DMXL1: variants seen among roughly 807,000 people sequenced by gnomAD.
DMXL1 encodes the protein dmX-like protein 1.
Under a neutral mutation model 319.2 loss-of-function variants are expected in DMXL1, and 99 were observed. The observed-to-expected ratio is 0.31, with a 90% CI of 0.26 to 0.37. DMXL1 has a LOEUF of 0.37. Among genes scored for constraint, DMXL1 ranks in the 10% least tolerant of loss-of-function variants. The pLI is 1.00. For missense variants in DMXL1, 3,745 were observed against 3,595.6 expected, an observed-to-expected ratio of 1.04 and a Z score of -1.06; for synonymous variants, 1,385 against 1,235.2, an observed-to-expected ratio of 1.12 and a Z score of -2.54.
intron 9 of DMXL1, 26 bp downstream of exon 9, chr5:119,121,165 T>C (rs371356301): frequency 3.3e-4 from 506 of 1,543,836 alleles, no homozygotes; most frequent in Non-Finnish European, 4.3e-4. Context: ...TCAAAACATG[T>C]TTCTGAAATT....
chr5:119,082,420 A>G (rs186725867), intron 1 of DMXL1, among the ~76,000 whole-genome samples: 2 of 152,220 alleles, frequency 1.3e-5, no homozygotes, highest in South Asian at 2.1e-4. Flanking sequence ...GACGACAGGC[A>G]TGTCCCACCA....
In DMXL1 at chr5:119,187,314, A is replaced by G. The variant is rs148136449; in HGVS notation, c.7136-2394A>G. Among the ~76,000 whole-genome samples the G allele has an allele frequency of 4.0e-3, 611 of 152,342 alleles. 10 individuals are homozygous for G. Among genetic ancestry groups the G allele is most frequent in the South Asian group, 0.027 (129 of 4,832 alleles). The stretch of plus-strand genomic sequence containing the variant: ...GGTTTTCCCATAATAGTAGAACCAT[A>G]GGGTTAGTTTGCACCCAAGGAATGG... On this transcript the variant is annotated intron_variant, in intron 28 of 43. Transcript: ENST00000539542.
intron 1 of DMXL1, among the ~76,000 whole-genome samples, chr5:119,084,242 T>C (rs2149706051): frequency 6.6e-6 from 1 of 151,988 alleles, no homozygotes; most frequent in Non-Finnish European, 1.5e-5. Context: ...TGCCTCAACC[T>C]CCAGGTAGCT....
intron 1 of DMXL1, among the ~76,000 whole-genome samples, chr5:119,095,298 A>G (rs146516590): frequency 1.1e-4 from 16 of 152,356 alleles, no homozygotes; most frequent in East Asian, 1.9e-4. Flanking sequence ...TCAGAACTAG[A>G]TAAGTCATTG....
At chr5:119,233,266 A>G in intron 38 of DMXL1, 74 bp from the exon 39 acceptor site, 1 of 1,456,398 alleles carries the variant, frequency 6.9e-7, no homozygotes, top group East Asian at 2.3e-5. Context: ...AAAGATTTTC[A>G]CATAGGATAA....
chr5:119,244,669 A>T, intron 43 of DMXL1, 93 bp downstream of exon 43: 3 of 839,718 alleles, frequency 3.6e-6, no homozygotes, highest in Middle Eastern at 3.1e-4. Flanking sequence ...TATTTAAATA[A>T]TAGTTATATT....
At chr5:119,221,135 T>A in intron 37 of DMXL1, 54 bp downstream of exon 37, 1 of 1,322,260 alleles carries the variant, frequency 7.6e-7, no homozygotes, top group Non-Finnish European at 1.0e-6. Context: ...TTTTTCCCTC[T>A]AGGTTAATGG....
chr5:119,112,079 G>A (rs1759748269), intron 5 of DMXL1, among the ~76,000 whole-genome samples: 1 of 152,076 alleles, frequency 6.6e-6, no homozygotes, highest in Non-Finnish European at 1.5e-5. Flanking sequence ...TCCTGCCTCG[G>A]CCTCCCAAGT....
In DMXL1 at chr5:119,247,303, C is replaced by A; in HGVS notation, c.*84C>A. ...TATACAGTGATCATTCTCTATGCCACAAATTAGCTAATGCTTTCTTGTTTT... is the reference window on the plus strand; with the variant it reads ...TATACAGTGATCATTCTCTATGCCAAAAATTAGCTAATGCTTTCTTGTTTT... On this transcript the variant is annotated 3_prime_UTR_variant, in exon 44 of 44. Transcript: ENST00000539542. 1.1e-6 allele frequency: 1 copy of A among 905,758 alleles called. No homozygotes were observed. Among genetic ancestry groups the A allele is most frequent in the Non-Finnish European group, 1.7e-6 (1 of 605,248 alleles). The allele number at this position is 905,758 out of a possible 1,614,324, so 56.1% of individuals were successfully genotyped here.
chr5:119,217,989 A>G (rs985255219), intron 35 of DMXL1, among the ~76,000 whole-genome samples: 3 of 152,074 alleles, frequency 2.0e-5, no homozygotes, highest in African/African-American at 7.2e-5. Context: ...TCTGTTATCA[A>G]AGAAACAGTT....
intron 29 of DMXL1, among the ~76,000 whole-genome samples, chr5:119,190,348 T>C (rs1468826054): frequency 6.6e-6 from 1 of 152,180 alleles, no homozygotes; most frequent in East Asian, 1.9e-4. Flanking sequence ...GTTACCACAG[T>C]GTATTAAATA....
Position 119,202,883 on chromosome 5 carries a change from T to TTATATATATATATATATATATA in DMXL1, c.7746-435_7746-434insATATATATATATATATATATAT, listed in dbSNP as rs201634842. On this transcript the variant is annotated intron_variant, in intron 32 of 43. Transcript: ENST00000539542. The stretch of plus-strand genomic sequence containing the variant: ...TACATACATATATATATATATATAT[T>TTATATATATATATATATATATA]TTTATATATATATATATATATATTT... 1.2e-3 allele frequency among the ~76,000 whole-genome samples: 88 copies of TTATATATATATATATATATATA among 71,498 alleles called. 1 individual carries two copies. Among genetic ancestry groups the TTATATATATATATATATATATA allele is most frequent in the African/African-American group, 3.3e-3 (84 of 25,348 alleles). 46.9% of individuals were successfully genotyped at this position (71,498 alleles called of 152,430 possible). A position where few individuals can be genotyped will look rare whatever the true frequency, so the allele number is the denominator to read the frequency against.
chr5:119,121,229 A>G, intron 9 of DMXL1, 90 bp downstream of exon 9: 1 of 1,142,068 alleles, frequency 8.8e-7, no homozygotes, highest in Non-Finnish European at 1.2e-6. Flanking sequence ...CAAATAAGTA[A>G]AATATTGGAG....
chr5:119,141,729 C>T (rs1048632082), intron 13 of DMXL1, among the ~76,000 whole-genome samples: 16 of 152,066 alleles, frequency 1.1e-4, no homozygotes, highest in African/African-American at 3.1e-4. Flanking sequence ...TATCAAACTA[C>T]CAACAACATT....
chr5:119,184,191 G>C (rs995436465), intron 28 of DMXL1, among the ~76,000 whole-genome samples: 5 of 152,008 alleles, frequency 3.3e-5, no homozygotes, highest in African/African-American at 1.2e-4. Context: ...AAGTAGCTGG[G>C]ACTATAGGTG....
intron 1 of DMXL1, among the ~76,000 whole-genome samples, chr5:119,085,333 A>AAAATAAATAAAT (rs202033508): frequency 1.3e-4 from 20 of 150,894 alleles, no homozygotes; most frequent in African/African-American, 4.1e-4. Context: ...CTTTGTCTCA[A>AAAATAAATAAAT]AAATAAATAA....
chr5:119,238,334 A>T (rs1788130231), intron 40 of DMXL1, among the ~76,000 whole-genome samples: 1 of 152,122 alleles, frequency 6.6e-6, no homozygotes, highest in South Asian at 2.1e-4. Flanking sequence ...ACTTAAAAAA[A>T]ATCATTTTTT....
In DMXL1 at chr5:119,150,212, A is replaced by G. The variant is rs75899437; in HGVS notation, c.4385A>G (p.Asp1462Gly). The G allele has an allele frequency of 1.7e-4, 276 of 1,613,848 alleles. 2 individuals carry two copies. The East Asian group carries it at 6.1e-3, about 35-fold the overall frequency. The change falls in exon 18 of 44, where the codon GAT becomes GGT. Residue 1462 changes from aspartate to glycine, a missense_variant. Asp to Gly is a moderately conservative substitution (Grantham distance 94, BLOSUM62 -1). This residue lies in a region of DMXL1 where 2,096 missense variants were observed against 1,985.4 expected (regional missense o/e 1.06). Coordinates refer to ENST00000539542, the MANE Select transcript of DMXL1 (RefSeq NM_001290321.3). ...ACTGATACTCATATGTTAGAGACAG[A>G]TGAAGAAAATACAAAGCCTAGAGTT... is the stretch of plus-strand genomic sequence containing the variant. ...LMTDTHMLET[D>G]EENTKPRVID...
intron 13 of DMXL1, among the ~76,000 whole-genome samples, chr5:119,141,179 C>A (rs763116647): frequency 3.3e-4 from 50 of 152,124 alleles, no homozygotes; most frequent in Non-Finnish European, 5.4e-4. Context: ...GAAGCATTCC[C>A]CCTGAAAACT....
Sources: allele counts gnomAD v4.1 joint callset (sites outside exome capture counted in the v4.1 genomes callset), GRCh38; gene constraint gnomAD v4.1.1; regional missense constraint gnomAD v4.1.1; transcripts MANE v1.5; gene names NCBI Gene and HGNC (gene_info 2026-07-23, HGNC 2026-07-21).